The following CDC42BPB variants were observed in gnomAD, a reference collection of about 807,000 sequenced individuals.
CDC42BPB encodes the protein CDC42 binding protein kinase beta.
Under a neutral mutation model 214.9 loss-of-function variants are expected in CDC42BPB, and 37 were observed. That is an observed-to-expected ratio of 0.17 (90% CI 0.13 to 0.23). The LOEUF is 0.23. CDC42BPB is among the 10% of genes least tolerant of loss of function. CDC42BPB has a pLI of 1.00. For missense variants in CDC42BPB, 1,694 were observed against 2,227.0 expected, an observed-to-expected ratio of 0.76 and a Z score of 4.82; for synonymous variants, 931 against 884.0, an observed-to-expected ratio of 1.05 and a Z score of -0.94.
At position 102,968,288 on chromosome 14, in the gene CDC42BPB, C is replaced by T. The variant is rs552060222; in HGVS notation, c.2311G>A (p.Asp771Asn). ...KYERERAMLF[D>N]ENKKLTAENE... is the part of the protein sequence containing the mutation. Reference sequence around the variant, plus strand: ...TCAGCAGTTAGCTTCTTGTTTTCATCAAACAGCATCGCTCTTTCTCGTTCG... The same window carrying T: ...TCAGCAGTTAGCTTCTTGTTTTCATTAAACAGCATCGCTCTTTCTCGTTCG... The change falls in exon 16 of 37, where the codon GAT (aspartate) becomes AAT (asparagine). Residue 771 changes from aspartate to asparagine, a missense_variant. By Grantham distance (23) the Asp-to-Asn change is conservative (BLOSUM62 1). This residue lies in a region of CDC42BPB where 462 missense variants were observed against 513.5 expected (regional missense o/e 0.90). Transcript: ENST00000361246. 1.9e-6 allele frequency: 3 copies of T among 1,614,006 alleles called. No individual in the cohort carries two copies. Among genetic ancestry groups the T allele is most frequent in the Middle Eastern group, 3.3e-4 (2 of 6,060 alleles).
intron 36 of CDC42BPB, among the ~76,000 whole-genome samples, chr14:102,936,055 A>AC (rs1336708510): frequency 1.3e-5 from 2 of 152,258 alleles, no homozygotes; most frequent in Non-Finnish European, 2.9e-5. Flanking sequence ...ATCAGGTACT[A>AC]CTTCATAGCC....
At chr14:102,954,737 T>G (rs757977480) in intron 21 of CDC42BPB, 49 bp from the exon 22 acceptor site, 9 of 1,573,582 alleles carry the variant, frequency 5.7e-6, no homozygotes, top group Non-Finnish European at 7.8e-6. Flanking sequence ...ATATTCTACA[T>G]GATCCAGACT....
chr14:103,045,028 T>G (rs1461093460), intron 1 of CDC42BPB, among the ~76,000 whole-genome samples: 2 of 140,596 alleles, frequency 1.4e-5, no homozygotes, highest in African/African-American at 5.5e-5. Flanking sequence ...AGGGAGACTC[T>G]GTCTCTAAAA....
At chr14:103,011,975 C>T in intron 2 of CDC42BPB, 122 bp downstream of exon 2, 1 of 705,128 alleles carries the variant, frequency 1.4e-6, no homozygotes, top group South Asian at 1.6e-5. Context: ...AAAAAACAAA[C>T]TCTCCAAATA....
At chr14:103,006,977 CTG>C (rs1257121206) in intron 3 of CDC42BPB, among the ~76,000 whole-genome samples, 1 of 152,194 alleles carries the variant, frequency 6.6e-6, no homozygotes, top group Admixed American at 6.5e-5. Flanking sequence ...AATAACATTC[CTG>C]TGTTTGCCAC....
At chr14:102,937,646 C>T (rs947871824) in intron 36 of CDC42BPB, among the ~76,000 whole-genome samples, 1 of 152,248 alleles carries the variant, frequency 6.6e-6, no homozygotes, top group Admixed American at 6.5e-5. Flanking sequence ...AGCAGTGTGG[C>T]TGAGCTGCGC....
chr14:102,951,351 G>C (rs1449413209), intron 24 of CDC42BPB, among the ~76,000 whole-genome samples: 2 of 152,252 alleles, frequency 1.3e-5, no homozygotes, highest in Admixed American at 6.5e-5. Flanking sequence ...TGAGTGCTCA[G>C]AGCCAGTGCG....
chr14:102,967,559 C>T lies in CDC42BPB; in HGVS notation c.2347-389G>A, dbSNP rs34662610. The stretch of plus-strand genomic sequence containing the variant: ...GTGAATGCACTCACGCAAGCCTAGA[C>T]GGTGCGGCTGCCGCACACCAGGCCC... On this transcript the variant is annotated intron_variant, in intron 16 of 36. Transcript: ENST00000361246. Among the ~76,000 whole-genome samples the T allele has an allele frequency of 5.7e-3, 865 of 152,346 alleles. 10 individuals are homozygous for T. The highest frequency in any genetic ancestry group is 0.02 in the African/African-American group (827 of 41,578).
chr14:102,969,234 T>C (rs1893361760), intron 14 of CDC42BPB, among the ~76,000 whole-genome samples: 1 of 152,062 alleles, frequency 6.6e-6, no homozygotes, highest in African/African-American at 2.4e-5. Context: ...TGGAGTGAGG[T>C]GGGACGTGTT....
At chr14:102,973,850 G>A (rs949436434) in intron 12 of CDC42BPB, among the ~76,000 whole-genome samples, 166 bp downstream of exon 12, 5 of 152,236 alleles carry the variant, frequency 3.3e-5, no homozygotes, top group African/African-American at 1.2e-4. Flanking sequence ...CAGCAGGCAG[G>A]CGTGGCAGGG....
At chr14:102,972,362 G>C in intron 12 of CDC42BPB, 1 of 982,332 alleles carries the variant, frequency 1.0e-6, no homozygotes, top group Non-Finnish European at 1.2e-6. Flanking sequence ...GGCCGCCTGG[G>C]CTCAGGTGCT....
intron 1 of CDC42BPB, among the ~76,000 whole-genome samples, chr14:103,015,048 T>C (rs956842056): frequency 1.3e-5 from 2 of 152,166 alleles, no homozygotes; most frequent in East Asian, 1.9e-4. Flanking sequence ...CGTAGTTTAA[T>C]AGTTGTGTAC....
At chr14:102,990,413 G>A (rs1894439888) in intron 5 of CDC42BPB, among the ~76,000 whole-genome samples, 1 of 152,182 alleles carries the variant, frequency 6.6e-6, no homozygotes, top group African/African-American at 2.4e-5. Flanking sequence ...CAATTCTAAA[G>A]CTTTTTTAGA....
intron 1 of CDC42BPB, among the ~76,000 whole-genome samples, chr14:103,055,019 C>G (rs1250669779): frequency 6.6e-6 from 1 of 152,280 alleles, no homozygotes; most frequent in Non-Finnish European, 1.5e-5. Flanking sequence ...ATCTTCCCAG[C>G]AAAACCAACT....
At chr14:103,006,361 G>A (rs1487669723) in intron 3 of CDC42BPB, among the ~76,000 whole-genome samples, 1 of 152,280 alleles carries the variant, frequency 6.6e-6, no homozygotes, top group African/African-American at 2.4e-5. Context: ...ACGCCTCCAG[G>A]AGACGCTCCC....
At chr14:102,955,593 A>G (rs558410551) in intron 21 of CDC42BPB, among the ~76,000 whole-genome samples, 1 of 152,344 alleles carries the variant, frequency 6.6e-6, no homozygotes, top group South Asian at 2.1e-4. Context: ...ACAAATTAAG[A>G]GTTCTAATTT....
At chr14:103,052,602 A>G (rs983212906) in intron 1 of CDC42BPB, among the ~76,000 whole-genome samples, 26 of 152,328 alleles carry the variant, frequency 1.7e-4, no homozygotes, top group South Asian at 1.5e-3. Flanking sequence ...TATCACACTC[A>G]TGGTGAGAAA....
At chr14:103,013,157 C>G (rs1464567830) in intron 1 of CDC42BPB, among the ~76,000 whole-genome samples, 2 of 152,208 alleles carry the variant, frequency 1.3e-5, no homozygotes, top group Non-Finnish European at 2.9e-5. Flanking sequence ...GTGCCCAAAG[C>G]CCACGTACAG....
At chr14:103,010,019 T>TG (rs1296794794) in intron 2 of CDC42BPB, among the ~76,000 whole-genome samples, 2 of 152,106 alleles carry the variant, frequency 1.3e-5, no homozygotes, top group African/African-American at 4.8e-5. Context: ...GGTACAGTGG[T>TG]GCATGCCTGT....
Sources: allele counts gnomAD v4.1 joint callset (sites outside exome capture counted in the v4.1 genomes callset), GRCh38; gene constraint gnomAD v4.1.1; regional missense constraint gnomAD v4.1.1; transcripts MANE v1.5; gene names NCBI Gene and HGNC (gene_info 2026-07-23, HGNC 2026-07-21).